The following YEATS2 variants were observed in gnomAD, a reference collection of about 807,000 sequenced individuals.
YEATS2 encodes YEATS domain-containing protein 2.
YEATS2 carries 77 observed loss-of-function variants against 163.2 expected under a neutral mutation model. The ratio of observed to expected loss-of-function variants is 0.47; its 90% CI spans 0.39 to 0.57. The LOEUF (loss-of-function observed/expected upper bound fraction) is 0.57. Among genes scored for constraint, YEATS2 ranks in the 20% least tolerant of loss-of-function variants. The probability of loss-of-function intolerance (pLI) is 0.00; values close to 1 mark genes in which losing one functional copy is unlikely to be tolerated. For synonymous variants in YEATS2, 631 were observed against 645.1 expected (o/e 0.98, Z 0.33); for missense variants, 1,549 against 1,729.8 (o/e 0.90, Z 1.85).
intron 8 of YEATS2, among the ~76,000 whole-genome samples, chr3:183,745,229 A>G (rs1461103346): frequency 6.6e-6 from 1 of 152,316 alleles, no homozygotes; most frequent in East Asian, 1.9e-4. Flanking sequence ...TTCATAGGGC[A>G]TCCTACACAA....
rs200048624 is a variant in YEATS2, at chr3:183,722,278, CTTTTTTTTTTTTTTT to C, written c.537+156_537+170del. On this transcript the variant is annotated intron_variant, in intron 5 of 30. Coordinates refer to ENST00000305135, the MANE Select transcript of YEATS2 (RefSeq NM_018023.5). ...TCCTTTTATAATGGGGAAACCAAAT[CTTTTTTTTTTTTTTT>C]TTTTTTTTTTTTTGAGACAGAGTTT... 59 of 310,352 alleles carry C rather than the reference CTTTTTTTTTTTTTTT, an allele frequency of 1.9e-4. 1 individual carries two copies. The highest frequency in any genetic ancestry group is 1.0e-3 in the South Asian group (29 of 27,706). 19.2% of individuals were successfully genotyped at this position (310,352 alleles called of 1,614,324 possible). A position where few individuals can be genotyped will look rare whatever the true frequency, so the allele number is the denominator to read the frequency against.
intron 8 of YEATS2, among the ~76,000 whole-genome samples, chr3:183,742,878 A>G (rs1184816995): frequency 6.6e-6 from 1 of 152,240 alleles, no homozygotes; most frequent in East Asian, 1.9e-4. Flanking sequence ...AACCTTCAAC[A>G]AACAGCCATC....
intron 1 of YEATS2, among the ~76,000 whole-genome samples, chr3:183,703,247 C>G (rs1200849397): frequency 6.6e-6 from 1 of 151,526 alleles, no homozygotes. Flanking sequence ...CTTAAAAGAT[C>G]TGTTTTTGTT....
chr3:183,791,109 C>T (rs1280182676), intron 21 of YEATS2, 129 bp downstream of exon 21: 3 of 1,228,666 alleles, frequency 2.4e-6, no homozygotes, highest in African/African-American at 3.0e-5. Context: ...TCTCGACTCA[C>T]TGCAACCTCT....
intron 13 of YEATS2, among the ~76,000 whole-genome samples, chr3:183,760,480 G>A (rs1434287306): frequency 2.0e-5 from 3 of 151,934 alleles, no homozygotes; most frequent in Admixed American, 6.6e-5. Context: ...TGCGCCCCAC[G>A]CCCGGATAAT....
intron 8 of YEATS2, among the ~76,000 whole-genome samples, chr3:183,746,608 T>G (rs1168697991): frequency 1.3e-5 from 2 of 152,136 alleles, no homozygotes; most frequent in African/African-American, 4.8e-5. Flanking sequence ...AGAGAGACTA[T>G]TATTTCTATG....
intron 27 of YEATS2, chr3:183,806,093 T>C (rs1192998311): frequency 5.6e-6 from 2 of 354,460 alleles, no homozygotes; most frequent in African/African-American, 4.3e-5. Flanking sequence ...TTTACAATGG[T>C]CTGAAAGCTG....
At chr3:183,780,950 TACTC>T (rs1254962486) in intron 19 of YEATS2, among the ~76,000 whole-genome samples, 1 of 152,160 alleles carries the variant, frequency 6.6e-6, no homozygotes, top group East Asian at 1.9e-4. Context: ...TTCATTCTGT[TACTC>T]AATAAAAAAG....
At chr3:183,726,393 C>A (rs1717102158) in intron 6 of YEATS2, among the ~76,000 whole-genome samples, 1 of 152,154 alleles carries the variant, frequency 6.6e-6, no homozygotes, top group African/African-American at 2.4e-5. Context: ...ATCTTAAAGG[C>A]AGAATTCCTC....
chr3:183,706,352 A>G (rs1255576891), intron 1 of YEATS2, among the ~76,000 whole-genome samples: 2 of 152,180 alleles, frequency 1.3e-5, no homozygotes, highest in Non-Finnish European at 2.9e-5. Flanking sequence ...CTCTTAGGTC[A>G]TGTTAAGGAA....
intron 7 of YEATS2, among the ~76,000 whole-genome samples, 183 bp from the exon 8 acceptor site, chr3:183,736,535 G>GT (rs1718359429): frequency 6.6e-6 from 1 of 152,118 alleles, no homozygotes; most frequent in South Asian, 2.1e-4. Context: ...TTTGAGTTGA[G>GT]TTTTTTCTTT....
chr3:183,807,996 G>C, intron 28 of YEATS2, 34 bp from the exon 29 acceptor site: 1 of 1,531,870 alleles, frequency 6.5e-7, no homozygotes, highest in Non-Finnish European at 8.9e-7. Flanking sequence ...CTAAAGCAGC[G>C]ATACGAACAA....
At chr3:183,768,912 C>T (rs1291111812) in intron 15 of YEATS2, among the ~76,000 whole-genome samples, 2 of 152,102 alleles carry the variant, frequency 1.3e-5, no homozygotes, top group East Asian at 1.9e-4. Context: ...GCGGAGGTTG[C>T]GGTGAGCTGA....
chr3:183,807,542 C>T, intron 28 of YEATS2: 2 of 233,874 alleles, frequency 8.6e-6, no homozygotes, highest in Non-Finnish European at 1.7e-5. Context: ...TGGCGTGCAC[C>T]TGCCTTACTA....
Position 183,811,698 on chromosome 3 carries a change from G to C in YEATS2, c.*1115G>C, listed in dbSNP as rs1178784419. 6.6e-6 allele frequency: 1 copy of C among 152,432 alleles called. No homozygotes were observed. Among genetic ancestry groups the C allele is most frequent in the East Asian group, 1.9e-4 (1 of 5,188 alleles). 9.4% of individuals were successfully genotyped at this position (152,432 alleles called of 1,614,324 possible). A position where few individuals can be genotyped will look rare whatever the true frequency, so the allele number is the denominator to read the frequency against. On this transcript the variant is annotated 3_prime_UTR_variant, in exon 31 of 31. Coordinates refer to ENST00000305135, the MANE Select transcript of YEATS2 (RefSeq NM_018023.5). The stretch of plus-strand genomic sequence containing the variant: ...AGGCAGGAGAAGGTGGCGCTGCCAG[G>C]TGCCCGGGTCTATTGGAGGCGCCCC...
rs1560314319 is a variant in YEATS2 at position 183,786,274 on chromosome 3, C to G, written c.2886C>G (p.Ala962=). The G allele has an allele frequency of 6.2e-7, 1 of 1,613,618 alleles. No individual in the cohort carries two copies. Among genetic ancestry groups the G allele is most frequent in the Middle Eastern group, 1.7e-4 (1 of 6,056 alleles). ...CAACTGCCACTTCCCCTGCCGTGGC[C>G]CTCTCAGCAAACGGTCCTGCACAAC... The part of the protein sequence containing the change: ...VITTATSPAV[A]LSANGPAQQS... The change falls in exon 20 of 31, where the codon GCC becomes GCG. Residue 962 remains alanine, a synonymous_variant. Coordinates refer to ENST00000305135, the MANE Select transcript of YEATS2 (RefSeq NM_018023.5).
rs190472124 is a variant in YEATS2, at chr3:183,773,202, G to A, written c.2207-431G>A. Among the ~76,000 whole-genome samples the A allele has an allele frequency of 1.1e-4, 16 of 152,288 alleles. No individual in the cohort carries two copies. The East Asian group carries it at 2.9e-3, about 28-fold the overall frequency. Reference sequence around the variant, plus strand: ...GAGGGCCAATGGTACTTGCCAGTTAGGAGCACACATTTGCCCTAACTTTGA... The same window carrying A: ...GAGGGCCAATGGTACTTGCCAGTTAAGAGCACACATTTGCCCTAACTTTGA... On this transcript the variant is annotated intron_variant, in intron 16 of 30. Coordinates refer to ENST00000305135, the MANE Select transcript of YEATS2 (RefSeq NM_018023.5).
At chr3:183,765,337 G>T (rs371974621) in intron 15 of YEATS2, among the ~76,000 whole-genome samples, 10 of 152,190 alleles carry the variant, frequency 6.6e-5, no homozygotes, top group African/African-American at 2.4e-4. Flanking sequence ...ATTTTTTGCC[G>T]CTTTGCATAT....
chr3:183,721,149 G>A (rs886790201), intron 4 of YEATS2, among the ~76,000 whole-genome samples: 1 of 152,168 alleles, frequency 6.6e-6, no homozygotes. Context: ...TTTGTCTCGT[G>A]ATCAACCATT....
Sources: allele counts gnomAD v4.1 joint callset (sites outside exome capture counted in the v4.1 genomes callset), GRCh38; gene constraint gnomAD v4.1.1; transcripts MANE v1.5; gene names NCBI Gene and HGNC (gene_info 2026-07-23, HGNC 2026-07-21).